Variants in GLRA3 observed in about 807,000 individuals in gnomAD.
The protein encoded by GLRA3 is glycine receptor subunit alpha-3.
A neutral mutation model predicts 60.4 loss-of-function variants in GLRA3; 44 were observed. The observed-to-expected ratio is 0.73, with a 90% confidence interval of 0.57 to 0.94. The LOEUF (loss-of-function observed/expected upper bound fraction) is 0.94, where lower values mean the gene tolerates loss of function less well. Ranked by LOEUF, GLRA3 falls within the 40% of genes least tolerant of loss-of-function variation. The pLI is 0.00. For missense variants in GLRA3, 508 were observed against 564.6 expected, an observed-to-expected ratio of 0.90 and a Z score of 1.02; for synonymous variants, 223 against 192.9, an observed-to-expected ratio of 1.16 and a Z score of -1.29.
intron 2 of GLRA3, among the ~76,000 whole-genome samples, chr4:174,769,684 T>C (rs1738305016): frequency 6.6e-6 from 1 of 152,072 alleles, no homozygotes. Flanking sequence ...GGATCCTCGT[T>C]CATGGTCCCA....
intron 9 of GLRA3, among the ~76,000 whole-genome samples, chr4:174,654,497 T>A (rs1405263121): frequency 6.6e-6 from 1 of 152,172 alleles, no homozygotes; most frequent in Non-Finnish European, 1.5e-5. Flanking sequence ...GATCCATTCC[T>A]ATTTCATTTG....
At chr4:174,803,209 T>A (rs1185123527) in intron 1 of GLRA3, among the ~76,000 whole-genome samples, 1 of 152,100 alleles carries the variant, frequency 6.6e-6, no homozygotes, top group Non-Finnish European at 1.5e-5. Flanking sequence ...TTCATGGTAA[T>A]TGTTATAACT....
chr4:174,767,178 A>T, intron 2 of GLRA3, 148 bp from the exon 3 acceptor site: 2 of 530,666 alleles, frequency 3.8e-6, no homozygotes, highest in Non-Finnish European at 6.8e-6. Context: ...TTGAAGCAAT[A>T]ATTCCACACA....
chr4:174,783,524 G>C (rs1363970334), intron 2 of GLRA3, among the ~76,000 whole-genome samples: 1 of 139,436 alleles, frequency 7.2e-6, no homozygotes, highest in East Asian at 2.0e-4. Context: ...CCATCAGAGT[G>C]AACAGGCAAC....
intron 2 of GLRA3, among the ~76,000 whole-genome samples, chr4:174,778,834 T>C (rs1301231029): frequency 6.6e-6 from 1 of 152,212 alleles, no homozygotes; most frequent in Non-Finnish European, 1.5e-5. Context: ...CCACGGAGTC[T>C]CGCTGATTGC....
chr4:174,746,140 G>T lies in GLRA3; in HGVS notation c.268-17442C>A, dbSNP rs991601719. ...CACACAATCCAGCAATCTTACTACT[G>T]GGTATCTATCCAAAGGAAAATAATT... On this transcript the variant is annotated intron_variant, in intron 3 of 9. Transcript: ENST00000274093. Among the ~76,000 whole-genome samples, 2 of 152,104 alleles carry T rather than the reference G, an allele frequency of 1.3e-5. 1 individual carries two copies. Among genetic ancestry groups the T allele is most frequent in the Admixed American group, 1.3e-4 (2 of 15,270 alleles).
chr4:174,776,543 T>C (rs2111262389), intron 2 of GLRA3, among the ~76,000 whole-genome samples: 1 of 151,732 alleles, frequency 6.6e-6, no homozygotes, highest in Non-Finnish European at 1.5e-5. Flanking sequence ...AAATTAGCAG[T>C]CTACTTAGTG....
At chr4:174,694,981 T>C (rs766835568) in intron 5 of GLRA3, among the ~76,000 whole-genome samples, 16 of 152,070 alleles carry the variant, frequency 1.1e-4, no homozygotes, top group Non-Finnish European at 1.6e-4. Flanking sequence ...CTAGAAGGGG[T>C]GCTTAAATTC....
chr4:174,705,045 C>T (rs1015567816), intron 5 of GLRA3, among the ~76,000 whole-genome samples: 1 of 143,662 alleles, frequency 7.0e-6, no homozygotes, highest in African/African-American at 2.5e-5. Flanking sequence ...TACTACTGAA[C>T]CGAATGCTTG....
chr4:174,673,941 A>T (rs753599033), intron 7 of GLRA3, among the ~76,000 whole-genome samples: 40 of 152,178 alleles, frequency 2.6e-4, no homozygotes, highest in Admixed American at 6.6e-4. Context: ...TTCCATGTTC[A>T]ATTCATAAGC....
intron 7 of GLRA3, among the ~76,000 whole-genome samples, chr4:174,671,633 T>A (rs955930293): frequency 6.6e-6 from 1 of 152,104 alleles, no homozygotes; most frequent in Non-Finnish European, 1.5e-5. Context: ...ATAAAAGCTA[T>A]CCTCATTATT....
intron 1 of GLRA3, among the ~76,000 whole-genome samples, chr4:174,813,466 C>T (rs113554963): frequency 9.2e-5 from 14 of 152,264 alleles, no homozygotes; most frequent in Admixed American, 2.6e-4. Flanking sequence ...AAAACTACAG[C>T]GTAGCCACAC....
Position 174,639,372 on chromosome 4 carries a change from ATGTGTGTGTGTGTGTGTGTGTG to A in GLRA3, c.*4392_*4413del. 1 of 146,752 alleles carries A rather than the reference ATGTGTGTGTGTGTGTGTGTGTG, an allele frequency of 6.8e-6. No homozygotes were observed. Among genetic ancestry groups the A allele is most frequent in the Admixed American group, 6.8e-5 (1 of 14,644 alleles). The allele number at this position is 146,752 out of a possible 1,614,324, so 9.1% of individuals were successfully genotyped here. On this transcript the variant is annotated 3_prime_UTR_variant, in exon 10 of 10. Transcript: ENST00000274093. ...AATTCATCTCATTACCAATATGTGT[ATGTGTGTGTGTGTGTGTGTGTG>A]TGTGTGTGTGTGTGTGAAAGAGAGA...
At chr4:174,769,814 T>C (rs1738309176) in intron 2 of GLRA3, among the ~76,000 whole-genome samples, 1 of 152,144 alleles carries the variant, frequency 6.6e-6, no homozygotes, top group Non-Finnish European at 1.5e-5. Flanking sequence ...ATGTCTGTTT[T>C]TTTGCATTCA....
chr4:174,825,850 A>G (rs1047154798), intron 1 of GLRA3, among the ~76,000 whole-genome samples: 2 of 152,156 alleles, frequency 1.3e-5, no homozygotes, highest in African/African-American at 4.8e-5. Flanking sequence ...TGAAAGCACT[A>G]AAGTTTCATC....
At chr4:174,804,137 A>G (rs930993408) in intron 1 of GLRA3, among the ~76,000 whole-genome samples, 7 of 152,198 alleles carry the variant, frequency 4.6e-5, no homozygotes, top group Non-Finnish European at 7.4e-5. Flanking sequence ...ATCAGTTTAT[A>G]TAAAACTCAG....
At chr4:174,792,876 C>T (rs1274063934) in intron 1 of GLRA3, among the ~76,000 whole-genome samples, 2 of 152,034 alleles carry the variant, frequency 1.3e-5, no homozygotes, top group African/African-American at 2.4e-5. Flanking sequence ...CCATGCTGTC[C>T]CCTCTGGTGG....
chr4:174,769,744 T>TA (rs1158190126), intron 2 of GLRA3, among the ~76,000 whole-genome samples: 2 of 152,122 alleles, frequency 1.3e-5, no homozygotes, highest in African/African-American at 2.4e-5. Context: ...TATGCTCCAG[T>TA]AATGTTTTGA....
intron 3 of GLRA3, among the ~76,000 whole-genome samples, chr4:174,759,654 C>A (rs554695045): frequency 6.6e-6 from 1 of 152,126 alleles, no homozygotes; most frequent in Non-Finnish European, 1.5e-5. Flanking sequence ...GGTAAGTTGT[C>A]CTATTAAATA....
Sources: gnomAD v4.1 joint callset for allele counts (sites outside exome capture counted in the v4.1 genomes callset) on GRCh38, gnomAD v4.1.1 for gene constraint, MANE v1.5 for transcripts, NCBI Gene and HGNC (gene_info 2026-07-23, HGNC 2026-07-21) for gene names.